Variants in CTR9 observed in about 807,000 individuals in gnomAD.
The protein encoded by CTR9 is RNA polymerase-associated protein CTR9 homolog.
In CTR9, 41 loss-of-function variants were observed where a neutral mutation model predicts 152.1. The observed-to-expected ratio is 0.27, with a 90% confidence interval of 0.21 to 0.35. The LOEUF (loss-of-function observed/expected upper bound fraction) is 0.35, where lower values mean the gene tolerates loss of function less well. Ranked by LOEUF, CTR9 falls within the 10% of genes least tolerant of loss-of-function variation. CTR9 has a pLI of 1.00. For synonymous variants in CTR9, 476 were observed against 496.2 expected (o/e 0.96, Z 0.54); for missense variants, 917 against 1,424.4 (o/e 0.64, Z 5.73).
At chr11:10,776,598 A>T (rs1433003875) in intron 24 of CTR9, among the ~76,000 whole-genome samples, 1 of 152,188 alleles carries the variant, frequency 6.6e-6, no homozygotes, top group African/African-American at 2.4e-5. Flanking sequence ...AAGTGCTGGG[A>T]ATACAGAGAG....
chr11:10,761,797 A>G, intron 6 of CTR9, 150 bp from the exon 7 acceptor site: 1 of 497,768 alleles, frequency 2.0e-6, no homozygotes, highest in Non-Finnish European at 3.6e-6. Flanking sequence ...CAAATGCAAT[A>G]TAGATATTTA....
At chr11:10,764,037 C>T in intron 9 of CTR9, 75 bp from the exon 10 acceptor site, 1 of 1,464,612 alleles carries the variant, frequency 6.8e-7, no homozygotes. Flanking sequence ...ATTAAACAGA[C>T]TTACATAGCC....
chr11:10,755,648 T>TA, intron 3 of CTR9, 30 bp from the exon 4 acceptor site: 1 of 1,446,486 alleles, frequency 6.9e-7, no homozygotes, highest in Non-Finnish European at 9.7e-7. Flanking sequence ...TATATAGGGG[T>TA]AAAATCTAAG....
chr11:10,751,463 T>G lies in CTR9; in HGVS notation c.45+6T>G, dbSNP rs779754878. The G allele has an allele frequency of 6.2e-7, 1 of 1,613,776 alleles. No homozygotes were observed. The highest frequency in any genetic ancestry group is 8.5e-7 in the Non-Finnish European group (1 of 1,179,924). ...CCCTCCGGGACACTGACGAGGTAAG[T>G]GTCGTGTATGGAGGCGGGTGGGGGC... is the stretch of plus-strand genomic sequence containing the variant. On this transcript the variant is annotated splice_donor_region_variant and intron_variant, in intron 1 of 24. Coordinates refer to ENST00000361367, the MANE Select transcript of CTR9 (RefSeq NM_014633.5).
intron 24 of CTR9, among the ~76,000 whole-genome samples, chr11:10,775,886 C>T (rs1342584101): frequency 2.6e-5 from 4 of 152,146 alleles, no homozygotes. Context: ...TGTCCTACTA[C>T]ATCTTTTCTC....
intron 5 of CTR9, among the ~76,000 whole-genome samples, chr11:10,758,786 A>C (rs191756944): frequency 1.1e-3 from 166 of 152,278 alleles, no homozygotes; most frequent in African/African-American, 3.7e-3. Context: ...CAATAAAATA[A>C]TCTTTTTAGA....
At chr11:10,760,868 C>T (rs2135363841) in intron 6 of CTR9, among the ~76,000 whole-genome samples, 1 of 152,262 alleles carries the variant, frequency 6.6e-6, no homozygotes, top group South Asian at 2.1e-4. Context: ...TCATGTCTGT[C>T]ACCTTATAGT....
At chr11:10,762,625 G>C (rs979317844) in intron 7 of CTR9, among the ~76,000 whole-genome samples, 3 of 152,202 alleles carry the variant, frequency 2.0e-5, no homozygotes, top group Non-Finnish European at 2.9e-5. Flanking sequence ...AGGAGTCACT[G>C]ACATTTTTAT....
At chr11:10,774,773 A>G (rs945661465) in intron 22 of CTR9, among the ~76,000 whole-genome samples, 1 of 152,186 alleles carries the variant, frequency 6.6e-6, no homozygotes, top group Non-Finnish European at 1.5e-5. Flanking sequence ...TTGGCCGACT[A>G]TATTTGGGAA....
chr11:10,755,589 C>A, intron 3 of CTR9, 89 bp from the exon 4 acceptor site: 1 of 766,102 alleles, frequency 1.3e-6, no homozygotes, highest in Non-Finnish European at 2.2e-6. Flanking sequence ...TTGCACTGTG[C>A]TCCACCTCCT....
At position 10,751,388 on chromosome 11, in the gene CTR9, C is replaced by T. The variant is rs1293829796; in HGVS notation, c.-25C>T. 2.5e-6 allele frequency: 4 copies of T among 1,607,862 alleles called. No homozygotes were observed. The highest frequency in any genetic ancestry group is 2.2e-5 in the East Asian group (1 of 44,868). On this transcript the variant is annotated 5_prime_UTR_variant, in exon 1 of 25. Transcript: ENST00000361367. Reference sequence around the variant, plus strand: ...CCGGCTGCGGAGCGGCGGGGCGAGACACTTGCTCGCCTTTTGACCCCATCA... The same window carrying T: ...CCGGCTGCGGAGCGGCGGGGCGAGATACTTGCTCGCCTTTTGACCCCATCA...
In CTR9 at chr11:10,756,837, A is replaced by G; in HGVS notation, c.591A>G (p.Pro197=). ...KKALRTNPGC[P]AEVRLGMGHC... is the part of the protein sequence containing the mutation. ...CATTGCGTACTAACCCAGGATGTCCAGGTAAGAGAAAAATTTTATTTTATG... is the reference window on the plus strand; with the variant it reads ...CATTGCGTACTAACCCAGGATGTCCGGGTAAGAGAAAAATTTTATTTTATG... The change falls in exon 5 of 25, where the codon CCA becomes CCG. Residue 197 remains proline (P), a splice_region_variant and synonymous_variant. Transcript: ENST00000361367. 1 of 1,606,846 alleles carries G rather than the reference A, an allele frequency of 6.2e-7. No homozygotes were observed. Among genetic ancestry groups the G allele is most frequent in the African/African-American group, 1.3e-5 (1 of 74,878 alleles).
At chr11:10,776,068 ATTATTTAT>A (rs578083587) in intron 24 of CTR9, among the ~76,000 whole-genome samples, 8 of 151,938 alleles carry the variant, frequency 5.3e-5, no homozygotes, top group African/African-American at 1.7e-4. Flanking sequence ...ATTTCTTTTT[ATTATTTAT>A]TTATTTATTT....
intron 4 of CTR9, 33 bp downstream of exon 4, chr11:10,755,828 G>T (rs1274402057): frequency 7.5e-7 from 1 of 1,340,956 alleles, no homozygotes; most frequent in African/African-American, 1.4e-5. Context: ...TTAGGAAACA[G>T]TTGTTTTCAG....
rs1469435008 is a variant in CTR9, at chr11:10,760,315, T to A, written c.735T>A (p.Asn245Lys). 1.9e-6 allele frequency: 3 copies of A among 1,612,604 alleles called. No homozygotes were observed. The African/African-American group carries it at 4.0e-5, about 22-fold the overall frequency. Residue 245 changes from asparagine to lysine, a missense_variant, in exon 6 of 25, where the codon AAT (asparagine) becomes AAA (lysine). By Grantham distance (94) the Asn-to-Lys change is moderately conservative (BLOSUM62 0). Around this residue, in one of 9 missense-constraint regions of CTR9, gnomAD observed 110 missense variants for 149.5 expected, o/e 0.74. Coordinates refer to ENST00000361367, the MANE Select transcript of CTR9 (RefSeq NM_014633.5). ...GACTGGCTGTTCTAGAACTCAACAA[T>A]AAAGAGGTATGTAAATGAAAAAAGT... ...LVGLAVLELN[N>K]KEADSIKNGV...
In CTR9 at chr11:10,772,673, G is replaced by T. The variant is rs1721240680; in HGVS notation, c.2580+18G>T. On this transcript the variant is annotated intron_variant, in intron 20 of 24. Coordinates refer to ENST00000361367, the MANE Select transcript of CTR9 (RefSeq NM_014633.5). ...AAGAACAGGTATCTTGTATTTTCCA[G>T]TTATACTGGAATTAATGAATTGTGT... 6.3e-7 allele frequency: 1 copy of T among 1,577,204 alleles called. No homozygotes were observed. The highest frequency in any genetic ancestry group is 8.6e-7 in the Non-Finnish European group (1 of 1,165,348).
chr11:10,770,099 G>C, intron 16 of CTR9, 111 bp from the exon 17 acceptor site: 2 of 648,572 alleles, frequency 3.1e-6, no homozygotes, highest in Non-Finnish European at 5.2e-6. Context: ...ACCATTCAAA[G>C]GGTAAAACAC....
intron 22 of CTR9, chr11:10,774,377 C>G (rs978706650): frequency 2.2e-6 from 1 of 444,512 alleles, no homozygotes; most frequent in Non-Finnish European, 4.0e-6. Context: ...CCACAGCTTT[C>G]CTTCTAAGCG....
At position 10,779,002 on chromosome 11, in the gene CTR9, A is replaced by C; in HGVS notation, c.3419A>C (p.Asn1140Thr). ...CACGAATCGGAGAGAGGATCTGATAATGAGGGTTCTGGCCAAGGCTCTGGA... is the reference window on the plus strand; with the variant it reads ...CACGAATCGGAGAGAGGATCTGATACTGAGGGTTCTGGCCAAGGCTCTGGA... Reference protein sequence around the residue: ...SDHESERGSDNEGSGQGSGNE... With the variant: ...SDHESERGSDTEGSGQGSGNE... The change falls in exon 25 of 25, where the codon AAT (asparagine) becomes ACT (threonine). Residue 1140 changes from asparagine to threonine, a missense_variant. This residue lies in a region of CTR9 where 384 missense variants were observed against 398.4 expected (regional missense o/e 0.96). Coordinates refer to ENST00000361367, the MANE Select transcript of CTR9 (RefSeq NM_014633.5). 1 of 1,614,174 alleles carries C rather than the reference A, an allele frequency of 6.2e-7. No individual in the cohort carries two copies.
Sources: gnomAD v4.1 joint callset for allele counts (sites outside exome capture counted in the v4.1 genomes callset) on GRCh38, gnomAD v4.1.1 for gene constraint, gnomAD v4.1.1 regional missense constraint, MANE v1.5 for transcripts, NCBI Gene and HGNC (gene_info 2026-07-23, HGNC 2026-07-21) for gene names.